STAB2: variants seen among roughly 807,000 people sequenced by gnomAD.
STAB2 encodes stabilin 2, also known as stabilin-2.
STAB2 carries 288 observed loss-of-function variants against 338.1 expected under a neutral mutation model. The ratio of observed to expected loss-of-function variants is 0.85; its 90% CI spans 0.77 to 0.94. STAB2 has a LOEUF of 0.94. Ranked by LOEUF, STAB2 falls within the 40% of genes least tolerant of loss-of-function variation. The pLI is 0.00. For synonymous variants in STAB2, 1,202 were observed against 1,193.3 expected (o/e 1.01, Z -0.15); for missense variants, 3,141 against 3,210.1 (o/e 0.98, Z 0.52).
At chr12:103,702,499 C>G (rs1368697392) in intron 34 of STAB2, among the ~76,000 whole-genome samples, 1 of 151,764 alleles carries the variant, frequency 6.6e-6, no homozygotes, top group South Asian at 2.1e-4. Flanking sequence ...CGGGGTTTCA[C>G]CTTGTTAGCC....
chr12:103,737,606 C>CTT lies in STAB2; in HGVS notation c.5551-11_5551-10dup, dbSNP rs761241523. On this transcript the variant is annotated intron_variant, in intron 52 of 68. Coordinates refer to ENST00000388887, the MANE Select transcript of STAB2 (RefSeq NM_017564.10). ...TCTCTCTCTCTCTCTCTCTCTTTCT[C>CTT]TTTTTTTTTTTTTTTTTTCTTTCTT... 1,183 of 998,186 alleles carry CTT rather than the reference C, an allele frequency of 1.2e-3. 6 individuals carry two copies. Among genetic ancestry groups the CTT allele is most frequent in the East Asian group, 4.3e-3 (110 of 25,878 alleles). The allele number at this position is 998,186 out of a possible 1,614,324, so 61.8% of individuals were successfully genotyped here.
chr12:103,638,129 T>G lies in STAB2; in HGVS notation c.823T>G (p.Cys275Gly), dbSNP rs1359178375. 1 of 1,614,220 alleles carries G rather than the reference T, an allele frequency of 6.2e-7. No individual in the cohort carries two copies. Among genetic ancestry groups the G allele is most frequent in the African/African-American group, 1.3e-5 (1 of 75,042 alleles). Reference sequence around the variant, plus strand: ...AGGCTACCGTGGGGATGGCCAAGTGTGCTTGCCTGTGGACCCCTGCCAAAT... The same window carrying G: ...AGGCTACCGTGGGGATGGCCAAGTGGGCTTGCCTGTGGACCCCTGCCAAAT... Reference protein sequence around the residue: ...QEGYRGDGQVCLPVDPCQINF... With the variant: ...QEGYRGDGQVGLPVDPCQINF... The change falls in exon 8 of 69, where the codon TGC becomes GGC. Residue 275 changes from cysteine to glycine, a missense_variant. By Grantham distance (159) the Cys-to-Gly change is radical (BLOSUM62 -3). Coordinates refer to ENST00000388887, the MANE Select transcript of STAB2 (RefSeq NM_017564.10).
chr12:103,654,537 C>T lies in STAB2; in HGVS notation c.1408-18C>T. ...GGACACCATAGTAATCTTATTTTATCTTTCTTTGGTGTTTTAGGACAATCA... is the reference window on the plus strand; with the variant it reads ...GGACACCATAGTAATCTTATTTTATTTTTCTTTGGTGTTTTAGGACAATCA... On this transcript the variant is annotated intron_variant, in intron 12 of 68. Coordinates refer to ENST00000388887, the MANE Select transcript of STAB2 (RefSeq NM_017564.10). 2 of 1,611,714 alleles carry T rather than the reference C, an allele frequency of 1.2e-6. No homozygotes were observed. The highest frequency in any genetic ancestry group is 1.7e-6 in the Non-Finnish European group (2 of 1,178,950).
chr12:103,639,316 T>C (rs1395127748), intron 8 of STAB2, among the ~76,000 whole-genome samples: 1 of 152,148 alleles, frequency 6.6e-6, no homozygotes, highest in East Asian at 1.9e-4. Context: ...GGCTGGATAA[T>C]TCTTTGTGGG....
At chr12:103,730,384 C>T in intron 49 of STAB2, 128 bp downstream of exon 49, 1 of 1,061,502 alleles carries the variant, frequency 9.4e-7, no homozygotes, top group Non-Finnish European at 1.4e-6. Context: ...TTATTAAAAG[C>T]CTAGTAAACA....
intron 44 of STAB2, among the ~76,000 whole-genome samples, chr12:103,718,941 ATTG>A (rs1247982376): frequency 6.6e-6 from 1 of 152,156 alleles, no homozygotes; most frequent in African/African-American, 2.4e-5. Context: ...TCTGTAGGAT[ATTG>A]TTGACACACT....
At chr12:103,754,219 G>C (rs1883917170) in intron 61 of STAB2, among the ~76,000 whole-genome samples, 2 of 151,998 alleles carry the variant, frequency 1.3e-5, no homozygotes, top group Admixed American at 6.6e-5. Context: ...CTGCTCTCCT[G>C]CTTGCTGGTC....
At chr12:103,728,043 G>A (rs999990453) in intron 47 of STAB2, among the ~76,000 whole-genome samples, 16 of 152,170 alleles carry the variant, frequency 1.1e-4, no homozygotes, top group African/African-American at 3.9e-4. Context: ...CACAAAAATA[G>A]TTTTTGAAAG....
At chr12:103,671,183 G>A (rs7977903) in intron 22 of STAB2, among the ~76,000 whole-genome samples, 11,013 of 152,250 alleles carry the variant, frequency 0.072, 545 homozygotes, top group East Asian at 0.21. Context: ...CAGACACAGT[G>A]GCTCACACCT....
chr12:103,619,333 G>A (rs562685712), intron 3 of STAB2, among the ~76,000 whole-genome samples: 1 of 152,088 alleles, frequency 6.6e-6, no homozygotes, highest in Non-Finnish European at 1.5e-5. Flanking sequence ...CATCCATATT[G>A]GCAATAAACC....
intron 22 of STAB2, among the ~76,000 whole-genome samples, chr12:103,672,248 G>A (rs2138821965): frequency 6.6e-6 from 1 of 152,308 alleles, no homozygotes; most frequent in Non-Finnish European, 1.5e-5. Context: ...TCAGGGTCGA[G>A]GCTACTGAAC....
intron 13 of STAB2, 96 bp downstream of exon 13, chr12:103,654,794 C>A: frequency 6.9e-7 from 1 of 1,447,986 alleles, no homozygotes; most frequent in East Asian, 2.3e-5. Context: ...TGTGCTTGTG[C>A]TTCGTTTGTG....
chr12:103,735,481 A>G lies in STAB2; in HGVS notation c.5461-10A>G. ...TTTGGGGCAGTCACGTGGTGCCATC[A>G]CTCCTACAGGTTTTAGCTGTGGATC... On this transcript the variant is annotated splice_polypyrimidine_tract_variant and intron_variant, in intron 51 of 68. Coordinates refer to ENST00000388887, the MANE Select transcript of STAB2 (RefSeq NM_017564.10). 1.3e-6 allele frequency: 2 copies of G among 1,581,450 alleles called. No individual in the cohort carries two copies. Among genetic ancestry groups the G allele is most frequent in the East Asian group, 2.3e-5 (1 of 43,788 alleles).
intron 64 of STAB2, 38 bp downstream of exon 64, chr12:103,758,327 A>C: frequency 3.7e-6 from 6 of 1,607,952 alleles, no homozygotes; most frequent in Non-Finnish European, 5.1e-6. Flanking sequence ...TTAGACTAGC[A>C]TGTTATCTAT....
chr12:103,715,675 T>C (rs1880250819), intron 42 of STAB2, 140 bp from the exon 43 acceptor site: 1 of 906,040 alleles, frequency 1.1e-6, no homozygotes, highest in Non-Finnish European at 1.7e-6. Context: ...TATTTCTGTC[T>C]CAGAACTTCC....
At chr12:103,764,376 G>A (rs936697689) in intron 68 of STAB2, among the ~76,000 whole-genome samples, 5 of 152,174 alleles carry the variant, frequency 3.3e-5, no homozygotes, top group Admixed American at 3.3e-4. Context: ...TAGTATATAT[G>A]GGTGGGTGTT....
Position 103,733,168 on chromosome 12 carries a change from A to T in STAB2, c.5446A>T (p.Ile1816Leu). 1 of 1,614,092 alleles carries T rather than the reference A, an allele frequency of 6.2e-7. No homozygotes were observed. Among genetic ancestry groups the T allele is most frequent in the African/African-American group, 1.3e-5 (1 of 75,030 alleles). ...GAAGGAGTATTTGAAGTTTCATGTG[A>T]TACGAGATGCCAAGGTATTTAGTTT... ...KLKEYLKFHV[I>L]RDAKVLAVDL... The change falls in exon 51 of 69, where the codon ATA (isoleucine) becomes TTA (leucine). Residue 1816 changes from isoleucine to leucine, a missense_variant. Physicochemically the swap from Ile to Leu is conservative, Grantham distance 5. Coordinates refer to ENST00000388887, the MANE Select transcript of STAB2 (RefSeq NM_017564.10).
At chr12:103,715,234 C>A (rs1880209313) in intron 42 of STAB2, among the ~76,000 whole-genome samples, 1 of 152,182 alleles carries the variant, frequency 6.6e-6, no homozygotes, top group Non-Finnish European at 1.5e-5. Context: ...ACCTTGAGCT[C>A]TCCTTCTGCC....
chr12:103,762,603 T>C (rs1884621888), intron 67 of STAB2, among the ~76,000 whole-genome samples: 1 of 152,184 alleles, frequency 6.6e-6, no homozygotes, highest in Non-Finnish European at 1.5e-5. Flanking sequence ...CAGTGGTGGT[T>C]CCAAGCCCCT....
Sources: gnomAD v4.1 joint callset for allele counts (sites outside exome capture counted in the v4.1 genomes callset) on GRCh38, gnomAD v4.1.1 for gene constraint, MANE v1.5 for transcripts, NCBI Gene and HGNC (gene_info 2026-07-23, HGNC 2026-07-21) for gene names.